Variants in PTPRT observed in about 807,000 individuals in gnomAD.
The protein encoded by PTPRT is protein tyrosine phosphatase receptor type T, also known as receptor-type tyrosine-protein phosphatase T.
In PTPRT, 56 loss-of-function variants were observed where a neutral mutation model predicts 176.8. That is an observed-to-expected ratio of 0.32 (90% confidence interval 0.26 to 0.40). The LOEUF is 0.40. PTPRT is among the 10% of genes least tolerant of loss of function. The pLI is 1.00. For synonymous variants in PTPRT, 783 were observed against 739.0 expected, an observed-to-expected ratio of 1.06 and a Z score of -0.96; for missense variants, 1,540 against 1,908.2, an observed-to-expected ratio of 0.81 and a Z score of 3.60.
intron 13 of PTPRT, among the ~76,000 whole-genome samples, chr20:42,249,092 T>C (rs941762167): frequency 6.6e-6 from 1 of 152,218 alleles, no homozygotes; most frequent in African/African-American, 2.4e-5. Context: ...GCAACTGTGT[T>C]GAAGCATTCT....
At chr20:42,201,511 G>A (rs1991444711) in intron 15 of PTPRT, among the ~76,000 whole-genome samples, 1 of 152,070 alleles carries the variant, frequency 6.6e-6, no homozygotes, top group Non-Finnish European at 1.5e-5. Context: ...TAAAAGGTCT[G>A]CTGATAAAGG....
chr20:42,360,005 C>G (rs995045845), intron 9 of PTPRT, among the ~76,000 whole-genome samples: 1 of 152,236 alleles, frequency 6.6e-6, no homozygotes, highest in Admixed American at 6.5e-5. Context: ...GCCCTGCTCT[C>G]TGACTTCAGC....
chr20:42,600,999 C>T (rs1247241654), intron 7 of PTPRT, among the ~76,000 whole-genome samples: 1 of 152,144 alleles, frequency 6.6e-6, no homozygotes, highest in Non-Finnish European at 1.5e-5. Flanking sequence ...TGTCAAGGCA[C>T]TGCATTGAAC....
At chr20:42,927,967 C>G (rs1979592466) in intron 1 of PTPRT, among the ~76,000 whole-genome samples, 1 of 152,238 alleles carries the variant, frequency 6.6e-6, no homozygotes. Context: ...TATACCCATG[C>G]AGCCCACCTC....
chr20:42,529,342 G>A (rs557171049), intron 7 of PTPRT, among the ~76,000 whole-genome samples: 1 of 152,190 alleles, frequency 6.6e-6, no homozygotes, highest in African/African-American at 2.4e-5. Flanking sequence ...ACTGTCTAAT[G>A]AGCCGGGTTT....
intron 6 of PTPRT, among the ~76,000 whole-genome samples, chr20:42,742,570 G>T (rs1332953960): frequency 6.6e-6 from 1 of 152,140 alleles, no homozygotes; most frequent in East Asian, 1.9e-4. Context: ...GCTTGCATAG[G>T]GGAGTTTTTT....
intron 1 of PTPRT, among the ~76,000 whole-genome samples, chr20:42,948,657 G>A (rs1981039084): frequency 6.6e-6 from 1 of 152,194 alleles, no homozygotes; most frequent in Non-Finnish European, 1.5e-5. Flanking sequence ...GAGAGAGAGT[G>A]AAAGATCTGA....
intron 9 of PTPRT, among the ~76,000 whole-genome samples, chr20:42,404,633 G>C (rs946217930): frequency 2.0e-5 from 3 of 151,960 alleles, no homozygotes; most frequent in African/African-American, 7.2e-5. Flanking sequence ...AAAATCAAGA[G>C]GCTAGTCTAC....
At chr20:42,678,974 G>T (rs2075556249) in intron 6 of PTPRT, among the ~76,000 whole-genome samples, 1 of 152,210 alleles carries the variant, frequency 6.6e-6, no homozygotes, top group Non-Finnish European at 1.5e-5. Context: ...TTCAGCTTCT[G>T]CCTCAACCCC....
chr20:42,112,456 A>G (rs988798096), intron 22 of PTPRT, among the ~76,000 whole-genome samples: 1 of 152,222 alleles, frequency 6.6e-6, no homozygotes, highest in African/African-American at 2.4e-5. Flanking sequence ...CAGTCTGCCC[A>G]GGACTGACGG....
At chr20:42,903,815 G>A (rs1479693514) in intron 1 of PTPRT, among the ~76,000 whole-genome samples, 2 of 152,202 alleles carry the variant, frequency 1.3e-5, no homozygotes, top group Non-Finnish European at 2.9e-5. Context: ...TCACAAGGAT[G>A]GTGATGGTGT....
chr20:42,331,705 A>T (rs2057966898), intron 11 of PTPRT, among the ~76,000 whole-genome samples: 1 of 152,166 alleles, frequency 6.6e-6, no homozygotes, highest in East Asian at 1.9e-4. Context: ...TCCATCCAAC[A>T]ACAGAATTGC....
intron 1 of PTPRT, among the ~76,000 whole-genome samples, chr20:43,110,708 G>GT (rs2012820025): frequency 6.6e-6 from 1 of 152,230 alleles, no homozygotes; most frequent in African/African-American, 2.4e-5. Flanking sequence ...CTCCCAGGAA[G>GT]TGGGGAGGTA....
chr20:43,118,525 C>T (rs768856489), intron 1 of PTPRT, among the ~76,000 whole-genome samples: 5 of 152,090 alleles, frequency 3.3e-5, no homozygotes, highest in East Asian at 1.9e-4. Flanking sequence ...CTGCAACCTC[C>T]GCCTCCCAGG....
intron 4 of PTPRT, among the ~76,000 whole-genome samples, chr20:42,779,257 A>G (rs1385608727): frequency 1.3e-5 from 2 of 152,208 alleles, no homozygotes. Flanking sequence ...ATTGAGAAGC[A>G]CATAAGGAGA....
intron 15 of PTPRT, among the ~76,000 whole-genome samples, chr20:42,221,762 A>C (rs1211666129): frequency 6.6e-6 from 1 of 151,976 alleles, no homozygotes; most frequent in Non-Finnish European, 1.5e-5. Flanking sequence ...CAAGTGATCC[A>C]CCCACCCTGG....
chr20:42,459,528 C>A (rs6124461), intron 8 of PTPRT, among the ~76,000 whole-genome samples: 2 of 152,088 alleles, frequency 1.3e-5, no homozygotes, highest in Non-Finnish European at 2.9e-5. Flanking sequence ...TGGTTTGGAC[C>A]TAAGGGGTAG....
chr20:42,804,368 T>C (rs1371865666), intron 2 of PTPRT, among the ~76,000 whole-genome samples: 1 of 152,116 alleles, frequency 6.6e-6, no homozygotes, highest in Non-Finnish European at 1.5e-5. Context: ...ATCTCTTGGG[T>C]TCCCCTTCCT....
intron 7 of PTPRT, among the ~76,000 whole-genome samples, chr20:42,563,725 G>C (rs2072992244): frequency 6.6e-6 from 1 of 152,164 alleles, no homozygotes; most frequent in Non-Finnish European, 1.5e-5. Context: ...CTTTTTGAGA[G>C]ACTGAAGTAG....
Sources: allele counts gnomAD v4.1 joint callset (sites outside exome capture counted in the v4.1 genomes callset), GRCh38; gene constraint gnomAD v4.1.1; transcripts MANE v1.5; gene names NCBI Gene and HGNC (gene_info 2026-07-23, HGNC 2026-07-21).